ZNF609: variants seen among roughly 807,000 people sequenced by gnomAD.
ZNF609 encodes zinc finger protein 609.
A neutral mutation model predicts 109.5 loss-of-function variants in ZNF609; 11 were observed. The observed-to-expected ratio is 0.10, with a 90% confidence interval of 0.06 to 0.17. The LOEUF (loss-of-function observed/expected upper bound fraction) is 0.17, where lower values mean the gene tolerates loss of function less well. Ranked by LOEUF, ZNF609 falls within the 10% of genes least tolerant of loss-of-function variation. The pLI, the probability that ZNF609 is intolerant of heterozygous loss-of-function variation, is 1.00. For missense variants in ZNF609, 1,559 were observed against 1,772.4 expected, an observed-to-expected ratio of 0.88 and a Z score of 2.16; for synonymous variants, 646 against 662.0, an observed-to-expected ratio of 0.98 and a Z score of 0.37.
rs71133456 is a variant in ZNF609, at chr15:64,607,816, CTTCTTTCTTTCTTTCTTTCTTTCTTTCT to C, written c.748-14973_748-14946del. Among the ~76,000 whole-genome samples, 731 of 98,946 alleles carry C rather than the reference CTTCTTTCTTTCTTTCTTTCTTTCTTTCT, an allele frequency of 7.4e-3. 59 individuals are homozygous for C. The highest frequency in any genetic ancestry group is 0.032 in the African/African-American group (698 of 21,672). 64.9% of individuals were successfully genotyped at this position (98,946 alleles called of 152,430 possible). On this transcript the variant is annotated intron_variant, in intron 2 of 9. Transcript: ENST00000326648. ...TACTGCACCTGGCCTTAAATGTTTT[CTTCTTTCTTTCTTTCTTTCTTTCTTTCT>C]TTCTTTCTTTCTTTCTTTCTTTCTT...
intron 2 of ZNF609, among the ~76,000 whole-genome samples, chr15:64,564,788 A>C (rs1894747394): frequency 6.6e-6 from 1 of 152,024 alleles, no homozygotes; most frequent in Non-Finnish European, 1.5e-5. Flanking sequence ...CCACTAGATT[A>C]CAGTGAATGA....
chr15:64,573,193 C>A (rs1595722817), intron 2 of ZNF609, among the ~76,000 whole-genome samples: 1 of 148,966 alleles, frequency 6.7e-6, no homozygotes, highest in Non-Finnish European at 1.5e-5. Flanking sequence ...GAAACCAGGT[C>A]AAGTAAGACT....
intron 1 of ZNF609, among the ~76,000 whole-genome samples, chr15:64,477,776 GC>G (rs1893194209): frequency 6.6e-6 from 1 of 152,098 alleles, no homozygotes. Context: ...TTACAGGCAT[GC>G]GCCACCGCGC....
chr15:64,505,823 A>G (rs564523912), intron 2 of ZNF609, among the ~76,000 whole-genome samples: 1 of 152,186 alleles, frequency 6.6e-6, no homozygotes, highest in Admixed American at 6.5e-5. Flanking sequence ...CTAAACTTGA[A>G]TTTCACATCA....
chr15:64,472,042 C>T (rs1893098800), intron 1 of ZNF609, among the ~76,000 whole-genome samples: 1 of 152,024 alleles, frequency 6.6e-6, no homozygotes, highest in Non-Finnish European at 1.5e-5. Context: ...TCCCGAGTAG[C>T]TGGTATTATA....
At chr15:64,543,412 A>G (rs2733388) in intron 2 of ZNF609, among the ~76,000 whole-genome samples, 150,448 of 150,450 alleles carry the variant, frequency 1, 75,223 homozygotes, top group Non-Finnish European at 1. Context: ...TCTCTGCTTA[A>G]AACACCTTTC....
intron 3 of ZNF609, among the ~76,000 whole-genome samples, chr15:64,642,372 A>T (rs1008874425): frequency 4.6e-5 from 7 of 151,840 alleles, no homozygotes; most frequent in Non-Finnish European, 1.0e-4. Context: ...TTTTGTAGAG[A>T]CTAGGTCTCG....
intron 1 of ZNF609, among the ~76,000 whole-genome samples, chr15:64,481,478 G>A (rs930266745): frequency 1.3e-5 from 2 of 151,684 alleles, no homozygotes; most frequent in African/African-American, 2.4e-5. Flanking sequence ...GTGACACCAC[G>A]CCTAGCTAAT....
At chr15:64,502,615 T>C (rs1177094019) in intron 2 of ZNF609, 2 of 152,194 alleles carry the variant, frequency 1.3e-5, no homozygotes, top group Non-Finnish European at 2.9e-5. Context: ...AGAACCAAAA[T>C]AGCAAAACAG....
At chr15:64,575,835 G>T (rs1410907319) in intron 2 of ZNF609, among the ~76,000 whole-genome samples, 2 of 152,198 alleles carry the variant, frequency 1.3e-5, no homozygotes, top group Admixed American at 6.6e-5. Context: ...GGGCAAGGTG[G>T]CTCACGCCTG....
intron 2 of ZNF609, among the ~76,000 whole-genome samples, chr15:64,579,993 G>A (rs2140425243): frequency 6.6e-6 from 1 of 152,306 alleles, no homozygotes; most frequent in Admixed American, 6.5e-5. Flanking sequence ...CCTGGCAAAA[G>A]AGATTTTATA....
At chr15:64,654,816 G>A (rs1019296544) in intron 3 of ZNF609, among the ~76,000 whole-genome samples, 2 of 152,210 alleles carry the variant, frequency 1.3e-5, no homozygotes, top group Non-Finnish European at 2.9e-5. Flanking sequence ...CGCCAAGTGG[G>A]CCGGGCACGG....
chr15:64,680,952 C>T (rs1896876974), intron 8 of ZNF609, 90 bp downstream of exon 8: 2 of 1,416,602 alleles, frequency 1.4e-6, no homozygotes, highest in Admixed American at 4.4e-5. Flanking sequence ...CTAGGACCCT[C>T]CTACCTGCCT....
chr15:64,471,554 T>C (rs1449781931), intron 1 of ZNF609, among the ~76,000 whole-genome samples: 3 of 152,180 alleles, frequency 2.0e-5, no homozygotes, highest in Non-Finnish European at 2.9e-5. Flanking sequence ...TTAGAATGAT[T>C]TATATTAGAA....
In ZNF609 at chr15:64,475,316, C is replaced by T. The variant is rs9783703; in HGVS notation, c.-128+14478C>T. Among the ~76,000 whole-genome samples, 116 of 151,748 alleles carry T rather than the reference C, an allele frequency of 7.6e-4. 1 individual carries two copies. Among genetic ancestry groups the T allele is most frequent in the African/African-American group, 2.6e-3 (106 of 41,406 alleles). On this transcript the variant is annotated intron_variant, in intron 1 of 9. Coordinates refer to ENST00000326648, the MANE Select transcript of ZNF609 (RefSeq NM_015042.2). ...CCACTTCTTCCTATCCACCTATCTC[C>T]AGAATTGATTTCATCCTCCTCTTTA...
At chr15:64,592,482 G>C (rs1375854736) in intron 2 of ZNF609, among the ~76,000 whole-genome samples, 1 of 152,190 alleles carries the variant, frequency 6.6e-6, no homozygotes, top group East Asian at 1.9e-4. Flanking sequence ...AGAGGCTAAG[G>C]CACGAGAATT....
At chr15:64,549,558 A>G (rs1003519030) in intron 2 of ZNF609, among the ~76,000 whole-genome samples, 1 of 152,188 alleles carries the variant, frequency 6.6e-6, no homozygotes, top group African/African-American at 2.4e-5. Flanking sequence ...CCCCATCTAC[A>G]GCTGAGGAAA....
chr15:64,651,355 A>C (rs1429128888), intron 3 of ZNF609, among the ~76,000 whole-genome samples: 1 of 152,220 alleles, frequency 6.6e-6, no homozygotes, highest in African/African-American at 2.4e-5. Context: ...TAATACCACA[A>C]AACAGCATAA....
At chr15:64,593,941 T>C (rs560446184) in intron 2 of ZNF609, among the ~76,000 whole-genome samples, 1 of 152,380 alleles carries the variant, frequency 6.6e-6, no homozygotes, top group Admixed American at 6.5e-5. Context: ...TCCTTGACTG[T>C]CAATCAAGTA....
Sources: gnomAD v4.1 joint callset for allele counts (sites outside exome capture counted in the v4.1 genomes callset) on GRCh38, gnomAD v4.1.1 for gene constraint, MANE v1.5 for transcripts, NCBI Gene and HGNC (gene_info 2026-07-23, HGNC 2026-07-21) for gene names.